The following LIMCH1 variants were observed in gnomAD, a reference collection of about 807,000 sequenced individuals.
LIMCH1 encodes LIM and calponin homology domains-containing protein 1.
Under a neutral mutation model 176.5 loss-of-function variants are expected in LIMCH1, and 113 were observed. That is an observed-to-expected ratio of 0.64 (90% CI 0.55 to 0.75). The LOEUF is 0.75. Among genes scored for constraint, LIMCH1 ranks in the 30% least tolerant of loss-of-function variants. LIMCH1 has a pLI of 0.00. For synonymous variants in LIMCH1, 619 were observed against 645.9 expected, an observed-to-expected ratio of 0.96 and a Z score of 0.63; for missense variants, 1,674 against 1,814.9, an observed-to-expected ratio of 0.92 and a Z score of 1.41.
chr4:41,680,011 A>C lies in LIMCH1; in HGVS notation c.3525A>C (p.Arg1175Ser). ...QQEQERLLQE[R>S]YQKEQDKLKE... is the part of the protein sequence containing the mutation. ...CTATGGAAATTCCATAACAGGAGAGATACCAGAAGGAGCAGGACAAGCTGA... is the reference window on the plus strand; with the variant it reads ...CTATGGAAATTCCATAACAGGAGAGCTACCAGAAGGAGCAGGACAAGCTGA... The change falls in exon 24 of 32, where the codon AGA (arginine) becomes AGC (serine). Residue 1175 changes from arginine to serine, a missense_variant. Transcript: ENST00000503057. 1 of 1,607,650 alleles carries C rather than the reference A, an allele frequency of 6.2e-7. No homozygotes were observed. Among genetic ancestry groups the C allele is most frequent in the South Asian group, 1.1e-5 (1 of 89,576 alleles).
intron 1 of LIMCH1, among the ~76,000 whole-genome samples, chr4:41,581,842 C>G (rs536981759): frequency 7.0e-6 from 1 of 142,124 alleles, no homozygotes; most frequent in East Asian, 2.0e-4. Flanking sequence ...AACAGCAAAA[C>G]TCCACAAGTG....
Position 41,633,762 on chromosome 4 carries a change from C to CA in LIMCH1, c.2045dup (p.Asp683GlyfsTer7). 2.6e-6 allele frequency: 4 copies of CA among 1,536,152 alleles called. No homozygotes were observed. The African/African-American group carries it at 5.5e-5, about 21-fold the overall frequency. ...CCTTCCAGTTCCATTTGCAAAGCAA[C>CA]AGGATGTGGAAGAATCTTCTAAAGG... On this transcript the variant is annotated frameshift_variant, in exon 13 of 32. Coordinates refer to ENST00000503057, the MANE Select transcript of LIMCH1 (RefSeq NM_001330672.2). LOFTEE classifies it high-confidence loss of function.
intron 1 of LIMCH1, among the ~76,000 whole-genome samples, chr4:41,564,570 G>C (rs1389169298): frequency 6.6e-6 from 1 of 152,110 alleles, no homozygotes; most frequent in Non-Finnish European, 1.5e-5. Flanking sequence ...TCCCTGTTTT[G>C]TCCTCAGTGA....
At chr4:41,406,303 G>A (rs963166858) in intron 1 of LIMCH1, among the ~76,000 whole-genome samples, 11 of 152,100 alleles carry the variant, frequency 7.2e-5, no homozygotes, top group Non-Finnish European at 1.3e-4. Context: ...TAGAATTTGG[G>A]TATGTTTTAT....
At chr4:41,692,242 C>G in intron 30 of LIMCH1, 40 bp from the exon 31 acceptor site, 2 of 1,161,228 alleles carry the variant, frequency 1.7e-6, no homozygotes. Flanking sequence ...AGAAACAATT[C>G]CTTATGCATC....
In LIMCH1 at chr4:41,581,818, A is replaced by C. The variant is rs934014111; in HGVS notation, c.-240-17102A>C. Among the ~76,000 whole-genome samples the C allele has an allele frequency of 1.7e-3, 258 of 151,036 alleles. 1 individual carries two copies. The highest frequency in any genetic ancestry group is 5.6e-3 in the African/African-American group (229 of 41,206). Reference sequence around the variant, plus strand: ...AAGACTCTGTCTCAAAAAAAAAAAAAAAAAAAAAAAAACAACAGCAAAACT... The same window carrying C: ...AAGACTCTGTCTCAAAAAAAAAAAACAAAAAAAAAAAACAACAGCAAAACT... On this transcript the variant is annotated intron_variant, in intron 1 of 31. Coordinates refer to ENST00000503057, the MANE Select transcript of LIMCH1 (RefSeq NM_001330672.2).
chr4:41,397,478 T>A (rs542482736), intron 1 of LIMCH1, among the ~76,000 whole-genome samples: 1 of 152,348 alleles, frequency 6.6e-6, no homozygotes, highest in South Asian at 2.1e-4. Context: ...TGCAGTGTTT[T>A]TCAGTAATAT....
rs201089774 is a variant in LIMCH1, at chr4:41,650,409, G to A, written c.2837G>A (p.Ser946Asn). The part of the protein sequence containing the change: ...LKTFKVDGKV[S>N]VNGETVHREE... Reference sequence around the variant, plus strand: ...CTTTTATAGGTAGACGGGAAAGTCAGTGTGAATGGAGAGACGGTTCATAGA... The same window carrying A: ...CTTTTATAGGTAGACGGGAAAGTCAATGTGAATGGAGAGACGGTTCATAGA... The change falls in exon 18 of 32, where the codon AGT becomes AAT. Residue 946 changes from serine (S) to asparagine (N), a missense_variant. By Grantham distance (46) the Ser-to-Asn change is conservative (BLOSUM62 1). Around this residue, in one of 3 missense-constraint regions of LIMCH1, gnomAD observed 1,015 missense variants for 1,102.5 expected, o/e 0.92. Transcript: ENST00000503057. 11 of 1,614,064 alleles carry A rather than the reference G, an allele frequency of 6.8e-6. No homozygotes were observed. The Admixed American group carries it at 1.2e-4, about 17-fold the overall frequency.
rs1033734199 is a variant in LIMCH1 at position 41,620,608 on chromosome 4, A to G, written c.643A>G (p.Lys215Glu). 10 of 1,536,198 alleles carry G rather than the reference A, an allele frequency of 6.5e-6. No homozygotes were observed. Among genetic ancestry groups the G allele is most frequent in the East Asian group, 2.4e-5 (1 of 40,906 alleles). Residue 215 changes from lysine (K) to glutamate (E), a missense_variant, in exon 7 of 32, where the codon AAA (lysine) becomes GAA (glutamate). Around this residue, in one of 3 missense-constraint regions of LIMCH1, gnomAD observed 655 missense variants for 692.2 expected, o/e 0.95. Coordinates refer to ENST00000503057, the MANE Select transcript of LIMCH1 (RefSeq NM_001330672.2). ...GGCACCAGCTCCCAAGTCTGAAGAA[A>G]AAGATGCTGCTGAGATCCAAAAGCG... Reference protein sequence around the residue: ...VVAPAPKSEEKDAAEIQKRKR... With the variant: ...VVAPAPKSEEEDAAEIQKRKR...
rs139459461 is a variant in LIMCH1, at chr4:41,483,731, G to A, written c.97-10805G>A. 1.5e-3 allele frequency among the ~76,000 whole-genome samples: 227 copies of A among 152,314 alleles called. 1 individual carries two copies. Among genetic ancestry groups the A allele is most frequent in the Middle Eastern group, 6.8e-3 (2 of 294 alleles). ...TTTGTACAGGTCTTTGTATCTGCCT[G>A]GAGCGCCCTACTTCATCTCCTTCCT... is the stretch of plus-strand genomic sequence containing the variant. On this transcript the variant is annotated intron_variant, in intron 1 of 26. Transcript: ENST00000313860.
At chr4:41,488,541 A>G (rs993689675) in intron 1 of LIMCH1, among the ~76,000 whole-genome samples, 10 of 152,354 alleles carry the variant, frequency 6.6e-5, no homozygotes, top group African/African-American at 2.2e-4. Context: ...GTAACATTAC[A>G]TAGTGGGAGT....
intron 17 of LIMCH1, among the ~76,000 whole-genome samples, chr4:41,647,886 C>G (rs558075796): frequency 6.6e-6 from 1 of 152,324 alleles, no homozygotes; most frequent in African/African-American, 2.4e-5. Flanking sequence ...TCACATTGAG[C>G]TGTTTGTCCC....
intron 1 of LIMCH1, among the ~76,000 whole-genome samples, chr4:41,418,497 A>G (rs1266857171): frequency 2.0e-5 from 3 of 152,190 alleles, no homozygotes; most frequent in African/African-American, 7.2e-5. Context: ...TGTGCCAGTG[A>G]AGTCACCAGG....
At chr4:41,618,796 G>A (rs146586099) in intron 5 of LIMCH1, among the ~76,000 whole-genome samples, 440 of 152,310 alleles carry the variant, frequency 2.9e-3, no homozygotes, top group Non-Finnish European at 5.5e-3. Flanking sequence ...TTATTTGCTG[G>A]AGTATCTAGC....
At chr4:41,420,941 G>T (rs911549617) in intron 1 of LIMCH1, among the ~76,000 whole-genome samples, 5 of 152,206 alleles carry the variant, frequency 3.3e-5, no homozygotes, top group African/African-American at 1.2e-4. Flanking sequence ...TCAAAAAGGT[G>T]CATACAAGGC....
chr4:41,631,163 G>A lies in LIMCH1; in HGVS notation c.1287G>A (p.Gln429=). The A allele has an allele frequency of 6.5e-7, 1 of 1,532,722 alleles. No homozygotes were observed. The highest frequency in any genetic ancestry group is 8.7e-7 in the Non-Finnish European group (1 of 1,145,416). 94.9% of individuals were successfully genotyped at this position (1,532,722 alleles called of 1,614,324 possible). A position where few individuals can be genotyped will look rare whatever the true frequency, so the allele number is the denominator to read the frequency against. ...VSEKARDGDV[Q]HICASEPSPE... ...TTTTGACTAGGGATGGAGATGTTCA[G>A]CACATCTGTGCTTCTGAGCCTTCCC... Residue 429 remains glutamine, a synonymous_variant, in exon 10 of 32, where the codon CAG becomes CAA. Coordinates refer to ENST00000503057, the MANE Select transcript of LIMCH1 (RefSeq NM_001330672.2).
intron 1 of LIMCH1, among the ~76,000 whole-genome samples, chr4:41,481,007 G>A (rs1333259552): frequency 6.6e-6 from 1 of 151,530 alleles, no homozygotes; most frequent in African/African-American, 2.4e-5. Flanking sequence ...AGCATCGGCT[G>A]TATTCTTAAT....
intron 1 of LIMCH1, among the ~76,000 whole-genome samples, chr4:41,445,348 C>A (rs1369536942): frequency 6.6e-6 from 1 of 152,132 alleles, no homozygotes; most frequent in African/African-American, 2.4e-5. Flanking sequence ...ATATCTCAAA[C>A]CTCTGATTGA....
At chr4:41,631,920 A>G (rs926247387) in intron 10 of LIMCH1, among the ~76,000 whole-genome samples, 27 of 152,248 alleles carry the variant, frequency 1.8e-4, no homozygotes, top group African/African-American at 6.0e-4. Flanking sequence ...CTAAGTAGAC[A>G]TATTAAAAAA....
Sources: gnomAD v4.1 joint callset for allele counts (sites outside exome capture counted in the v4.1 genomes callset) on GRCh38, gnomAD v4.1.1 for gene constraint, gnomAD v4.1.1 regional missense constraint, MANE v1.5 for transcripts, NCBI Gene and HGNC (gene_info 2026-07-23, HGNC 2026-07-21) for gene names.